The following BRCA2 variants were observed in gnomAD, a reference collection of about 807,000 sequenced individuals.
BRCA2 encodes BRCA2 DNA repair associated, also known as breast cancer type 2 susceptibility protein.
In BRCA2, 203 loss-of-function variants were observed where a neutral mutation model predicts 276.7. That is an observed-to-expected ratio of 0.73 (90% CI 0.65 to 0.82). The LOEUF (loss-of-function observed/expected upper bound fraction) is 0.82, where lower values mean the gene tolerates loss of function less well. Ranked by LOEUF, BRCA2 falls within the 40% of genes least tolerant of loss-of-function variation. The probability of loss-of-function intolerance (pLI) is 0.00; values close to 1 mark genes in which losing one functional copy is unlikely to be tolerated. For missense variants in BRCA2, 3,920 were observed against 3,915.0 expected (o/e 1.00, Z -0.03); for synonymous variants, 1,289 against 1,338.4 (o/e 0.96, Z 0.81).
chr13:32,376,607 C>T (rs2137611976), intron 20 of BRCA2, 63 bp from the exon 21 acceptor site: 3 of 1,560,646 alleles, frequency 1.9e-6, no homozygotes, highest in Non-Finnish European at 2.6e-6. Flanking sequence ...ATGCTTGGTT[C>T]TTTAGTTTTA....
intron 24 of BRCA2, 91 bp downstream of exon 24, chr13:32,380,236 G>A: frequency 7.3e-7 from 1 of 1,365,816 alleles, no homozygotes; most frequent in Non-Finnish European, 9.9e-7. Context: ...GCTACCAGTT[G>A]GCAAATTTGC....
At chr13:32,372,391 T>C (rs1167550446) in intron 20 of BRCA2, among the ~76,000 whole-genome samples, 2 of 152,184 alleles carry the variant, frequency 1.3e-5, no homozygotes, top group Non-Finnish European at 2.9e-5. Flanking sequence ...GAAAGAAGCT[T>C]AATTGACTTA....
chr13:32,391,096 G>A (rs2072993753), intron 24 of BRCA2, among the ~76,000 whole-genome samples: 1 of 152,178 alleles, frequency 6.6e-6, no homozygotes, highest in East Asian at 1.9e-4. Context: ...GCTTAAAACA[G>A]GGACATCTGT....
intron 13 of BRCA2, 94 bp from the exon 14 acceptor site, chr13:32,354,767 C>A: frequency 1.1e-6 from 1 of 878,014 alleles, no homozygotes; most frequent in Non-Finnish European, 1.9e-6. Context: ...AATAGTATCA[C>A]CATGTAGCAA....
intron 20 of BRCA2, among the ~76,000 whole-genome samples, chr13:32,373,608 GTC>G (rs1182274044): frequency 6.6e-5 from 10 of 152,342 alleles, no homozygotes; most frequent in African/African-American, 2.4e-4. Context: ...TTGACTCCAT[GTC>G]TCACATCCAG....
chr13:32,357,711 T>G (rs1413450378), intron 15 of BRCA2, 31 bp from the exon 16 acceptor site: 1 of 1,595,676 alleles, frequency 6.3e-7, no homozygotes, highest in South Asian at 1.1e-5. Context: ...TTAAATTGTT[T>G]TTCTTTTTTG....
In BRCA2 at chr13:32,332,770, C is replaced by T. The variant is rs876660828; in HGVS notation, c.1292C>T (p.Thr431Ile). The T allele has an allele frequency of 2.5e-6, 4 of 1,608,556 alleles. No homozygotes were observed. The highest frequency in any genetic ancestry group is 3.4e-6 in the Non-Finnish European group (4 of 1,178,636). The change falls in exon 10 of 27, where the codon ACA becomes ATA. Residue 431 changes from threonine (T) to isoleucine (I), a missense_variant. Physicochemically the swap from Thr to Ile is moderately conservative, Grantham distance 89. Around this residue, in one of 2 missense-constraint regions of BRCA2, gnomAD observed 3,263 missense variants for 3,156.9 expected, o/e 1.03. Transcript: ENST00000380152. The part of the protein sequence containing the change: ...QNISEKDLLD[T>I]ENKRKKDFLT... The stretch of plus-strand genomic sequence containing the variant: ...ATTTCAGAAAAAGACCTATTAGACA[C>T]AGAGAACAAAAGAAAGAAAGATTTT...
At chr13:32,353,615 T>G (rs988203819) in intron 13 of BRCA2, among the ~76,000 whole-genome samples, 9 of 152,300 alleles carry the variant, frequency 5.9e-5, no homozygotes, top group Admixed American at 2.6e-4. Flanking sequence ...TCTGTTTCCT[T>G]CCACTGAAAT....
In BRCA2 at chr13:32,354,946, C is replaced by T. The variant is rs876659943; in HGVS notation, c.7093C>T (p.His2365Tyr). Residue 2365 changes from histidine (H) to tyrosine (Y), a missense_variant, in exon 14 of 27, where the codon CAT (histidine) becomes TAT (tyrosine). His to Tyr is a moderately conservative substitution (Grantham distance 83). Around this residue, in one of 2 missense-constraint regions of BRCA2, gnomAD observed 3,263 missense variants for 3,156.9 expected, o/e 1.03. Transcript: ENST00000380152. ...EFLSKSHLYE[H>Y]LTLEKSSSNL... ...TCTGTCTAAATCTCATTTGTATGAA[C>T]ATCTGACTTTGGAAAAATCTTCAAG... 5.0e-6 allele frequency: 8 copies of T among 1,613,630 alleles called. No individual in the cohort carries two copies. The South Asian group carries it at 6.6e-5, about 13-fold the overall frequency.
At position 32,319,134 on chromosome 13, in the gene BRCA2, A is replaced by G. The variant is rs4987046; in HGVS notation, c.125A>G (p.Tyr42Cys). 2.1e-3 allele frequency: 3,341 copies of G among 1,613,770 alleles called. 10 individuals are homozygous for G. Among genetic ancestry groups the G allele is most frequent in the South Asian group, 2.3e-3 (210 of 91,088 alleles). ...FEELSSEAPP[Y>C]NSEPAEESEH... ...GAACTTTCTTCAGAAGCTCCACCCT[A>G]TAATTCTGAACCTGCAGAAGAATCT... The change falls in exon 3 of 27, where the codon TAT becomes TGT. Residue 42 changes from tyrosine to cysteine, a missense_variant. By Grantham distance (194) the Tyr-to-Cys change is radical. Coordinates refer to ENST00000380152, the MANE Select transcript of BRCA2 (RefSeq NM_000059.4).
At chr13:32,332,172 C>G in intron 9 of BRCA2, 100 bp from the exon 10 acceptor site, 1 of 1,176,498 alleles carries the variant, frequency 8.5e-7, no homozygotes, top group Non-Finnish European at 1.2e-6. Flanking sequence ...TAATATTTAG[C>G]ACATTCTACA....
chr13:32,397,556 G>A (rs1289705404), intron 26 of BRCA2, among the ~76,000 whole-genome samples: 2 of 123,686 alleles, frequency 1.6e-5, no homozygotes, highest in East Asian at 2.5e-4. Flanking sequence ...GGGAAGTGAT[G>A]TATAACAAAA....
At position 32,319,154 on chromosome 13, in the gene BRCA2, G is replaced by T. The variant is rs80358435; in HGVS notation, c.145G>T (p.Glu49Ter). The T allele has an allele frequency of 1.9e-6, 3 of 1,613,910 alleles. No individual in the cohort carries two copies. The highest frequency in any genetic ancestry group is 2.5e-6 in the Non-Finnish European group (3 of 1,179,902). The stretch of plus-strand genomic sequence containing the variant: ...ACCCTATAATTCTGAACCTGCAGAA[G>T]AATCTGAACATAAAAACAACAATTA... ...APPYNSEPAE[E>*]SEHKNNNYEP... is the part of the protein sequence containing the mutation. The change falls in exon 3 of 27, where the codon GAA (glutamate) becomes TAA (stop). Residue 49 changes from glutamate (E) to a stop codon, truncating the protein, a stop_gained. Coordinates refer to ENST00000380152, the MANE Select transcript of BRCA2 (RefSeq NM_000059.4). LOFTEE classifies it high-confidence loss of function.
At chr13:32,396,771 C>T in intron 25 of BRCA2, 127 bp from the exon 26 acceptor site, 1 of 1,176,548 alleles carries the variant, frequency 8.5e-7, no homozygotes, top group South Asian at 1.3e-5. Context: ...CAATTGGTAT[C>T]ACATTTAGGG....
chr13:32,329,614 G>C, intron 8 of BRCA2, 122 bp downstream of exon 8: 1 of 831,916 alleles, frequency 1.2e-6, no homozygotes, highest in Admixed American at 2.3e-5. Context: ...CTTTGAGAAA[G>C]TCTCTAAACC....
chr13:32,374,632 T>C (rs2072858590), intron 20 of BRCA2, among the ~76,000 whole-genome samples: 1 of 152,200 alleles, frequency 6.6e-6, no homozygotes, highest in South Asian at 2.1e-4. Flanking sequence ...TTTGCTCCAG[T>C]TCCCAATAAG....
Position 32,398,537 on chromosome 13 carries a change from G to A in BRCA2, c.10024G>A (p.Glu3342Lys), listed in dbSNP as rs28897761. The change falls in exon 27 of 27, where the codon GAA becomes AAA. Residue 3342 changes from glutamate (E) to lysine (K), a missense_variant. This residue lies in a region of BRCA2 where 657 missense variants were observed against 758.2 expected (regional missense o/e 0.87). Coordinates refer to ENST00000380152, the MANE Select transcript of BRCA2 (RefSeq NM_000059.4). ...SLLESNSIAD[E>K]ELALINTQAL... ...TTTGGAAAGTAATTCAATAGCTGAC[G>A]AAGAACTTGCATTGATAAATACCCA... 11 of 1,614,040 alleles carry A rather than the reference G, an allele frequency of 6.8e-6. No homozygotes were observed. The highest frequency in any genetic ancestry group is 2.2e-5 in the South Asian group (2 of 91,088).
Position 32,396,248 on chromosome 13 carries a change from A to G in BRCA2, c.9502-650A>G, listed in dbSNP as rs11571821. On this transcript the variant is annotated intron_variant, in intron 25 of 26. Coordinates refer to ENST00000380152, the MANE Select transcript of BRCA2 (RefSeq NM_000059.4). ...CTTGGCCTCCCCAAGTACTGGGTTT[A>G]CAGGCATGAGCCACCGAGCCCGCAT... The G allele has an allele frequency of 0.011, 1,912 of 166,264 alleles. 37 individuals carry two copies. Among genetic ancestry groups the G allele is most frequent in the African/African-American group, 0.044 (1,825 of 41,576 alleles). The allele number at this position is 166,264 out of a possible 1,614,324, so 10.3% of individuals were successfully genotyped here.
In BRCA2 at chr13:32,357,753, T is replaced by C. The variant is rs1064794521; in HGVS notation, c.7629T>C (p.Tyr2543=). 1 of 1,612,408 alleles carries C rather than the reference T, an allele frequency of 6.2e-7. No individual in the cohort carries two copies. The highest frequency in any genetic ancestry group is 8.5e-7 in the Non-Finnish European group (1 of 1,178,608). ...SACSHKQLYT[Y]GVSKHCIKIN... is the part of the protein sequence containing the mutation. ...TTTATTTTGTGTAGCTGTATACGTATGGCGTTTCTAAACATTGCATAAAAA... is the reference window on the plus strand; with the variant it reads ...TTTATTTTGTGTAGCTGTATACGTACGGCGTTTCTAAACATTGCATAAAAA... Residue 2543 remains tyrosine (Y), a synonymous_variant, in exon 16 of 27, where the codon TAT becomes TAC. Coordinates refer to ENST00000380152, the MANE Select transcript of BRCA2 (RefSeq NM_000059.4).
Sources: gnomAD v4.1 joint callset for allele counts (sites outside exome capture counted in the v4.1 genomes callset) on GRCh38, gnomAD v4.1.1 for gene constraint, gnomAD v4.1.1 regional missense constraint, MANE v1.5 for transcripts, NCBI Gene and HGNC (gene_info 2026-07-23, HGNC 2026-07-21) for gene names.